KHDRBS2: variants seen among roughly 807,000 people sequenced by gnomAD.
KHDRBS2 encodes KH domain-containing, RNA-binding, signal transduction-associated protein 2.
In KHDRBS2, 26 loss-of-function variants were observed where a neutral mutation model predicts 44.3. That is an observed-to-expected ratio of 0.59 (90% CI 0.43 to 0.81). KHDRBS2 has a LOEUF of 0.81. KHDRBS2 is among the 40% of genes least tolerant of loss of function. The probability of loss-of-function intolerance (pLI) is 0.00; values close to 1 mark genes in which losing one functional copy is unlikely to be tolerated. For synonymous variants in KHDRBS2, 194 were observed against 151.1 expected, an observed-to-expected ratio of 1.28 and a Z score of -2.08; for missense variants, 476 against 433.1, an observed-to-expected ratio of 1.10 and a Z score of -0.88.
At chr6:61,681,374 C>T (rs1453065855) in intron 8 of KHDRBS2, among the ~76,000 whole-genome samples, 1 of 151,844 alleles carries the variant, frequency 6.6e-6, no homozygotes, top group Non-Finnish European at 1.5e-5. Context: ...AACCAGTAGT[C>T]CTTAGCCCTT....
the KHDRBS2 span, among the ~76,000 whole-genome samples, chr6:61,569,310 T>C: frequency 6.6e-6 from 1 of 152,160 alleles, no homozygotes; most frequent in African/African-American, 2.4e-5. Flanking sequence ...CTACCCACCC[T>C]TGTAGCCAAA....
At chr6:62,176,161 C>T (rs1442299279) in intron 2 of KHDRBS2, among the ~76,000 whole-genome samples, 1 of 151,160 alleles carries the variant, frequency 6.6e-6, no homozygotes, top group Non-Finnish European at 1.5e-5. Context: ...TAAGACTGCC[C>T]AATTTAATAT....
At chr6:62,013,082 T>C (rs1449093301) in intron 3 of KHDRBS2, among the ~76,000 whole-genome samples, 4 of 152,116 alleles carry the variant, frequency 2.6e-5, no homozygotes, top group African/African-American at 9.7e-5. Context: ...AAATATAGTC[T>C]GGTTGCAAAA....
intron 2 of KHDRBS2, among the ~76,000 whole-genome samples, chr6:62,130,137 C>T (rs1187856736): frequency 2.6e-5 from 4 of 152,080 alleles, no homozygotes; most frequent in African/African-American, 9.7e-5. Flanking sequence ...GAAATAAAAG[C>T]AGGTGAAATC....
chr6:61,973,539 T>A (rs1771872060), intron 4 of KHDRBS2, among the ~76,000 whole-genome samples: 1 of 152,012 alleles, frequency 6.6e-6, no homozygotes. Context: ...ACACCCTAAT[T>A]CCCCCATTTC....
At chr6:61,966,609 T>A (rs1770000872) in intron 4 of KHDRBS2, among the ~76,000 whole-genome samples, 1 of 152,016 alleles carries the variant, frequency 6.6e-6, no homozygotes, top group Non-Finnish European at 1.5e-5. Context: ...CACAATATCT[T>A]AAGAAGCCAA....
the KHDRBS2 span, among the ~76,000 whole-genome samples, chr6:61,610,188 TA>T: frequency 0.047 from 5,312 of 112,924 alleles, 285 homozygotes; most frequent in African/African-American, 0.15. Flanking sequence ...TATATATATT[TA>T]AAAAAAAAAA....
intron 2 of KHDRBS2, among the ~76,000 whole-genome samples, chr6:62,069,889 T>C (rs969726892): frequency 2.0e-5 from 3 of 151,812 alleles, no homozygotes; most frequent in Non-Finnish European, 4.4e-5. Context: ...TATTTTATAG[T>C]AGTAAATGAT....
chr6:61,943,117 A>G (rs1490879027), intron 4 of KHDRBS2, among the ~76,000 whole-genome samples: 1 of 151,698 alleles, frequency 6.6e-6, no homozygotes, highest in Admixed American at 6.6e-5. Flanking sequence ...AAAGAAAAGA[A>G]AAAAGAAAAG....
At chr6:61,781,509 A>T (rs573090442) in intron 6 of KHDRBS2, among the ~76,000 whole-genome samples, 89 of 152,210 alleles carry the variant, frequency 5.8e-4, no homozygotes, top group African/African-American at 2.1e-3. Flanking sequence ...TAAACAAAAA[A>T]CTAGCATTTC....
chr6:61,568,966 G>T, the KHDRBS2 span, among the ~76,000 whole-genome samples: 1 of 68,704 alleles, frequency 1.5e-5, no homozygotes, highest in Non-Finnish European at 3.3e-5. Flanking sequence ...CATAGGAGTT[G>T]CTGCTGACAG....
the KHDRBS2 span, among the ~76,000 whole-genome samples, chr6:61,599,144 C>T: frequency 6.6e-6 from 1 of 151,918 alleles, no homozygotes; most frequent in African/African-American, 2.4e-5. Flanking sequence ...CCATGTTGCC[C>T]AGGCTGGTCT....
At chr6:61,724,972 A>G (rs1260411030) in intron 7 of KHDRBS2, among the ~76,000 whole-genome samples, 4 of 152,084 alleles carry the variant, frequency 2.6e-5, no homozygotes, top group Non-Finnish European at 5.9e-5. Flanking sequence ...TGATAGATAT[A>G]TACAGAAATC....
At chr6:61,772,506 A>G (rs1382554542) in intron 6 of KHDRBS2, among the ~76,000 whole-genome samples, 2 of 152,232 alleles carry the variant, frequency 1.3e-5, no homozygotes, top group Non-Finnish European at 2.9e-5. Context: ...ACAGAAATAC[A>G]AACTACCATC....
At chr6:61,664,308 A>G in the KHDRBS2 span, among the ~76,000 whole-genome samples, 1 of 151,794 alleles carries the variant, frequency 6.6e-6, no homozygotes, top group Admixed American at 6.6e-5. Context: ...TGAATTTTGT[A>G]GCATTTTGGA....
chr6:61,575,028 A>G, the KHDRBS2 span, among the ~76,000 whole-genome samples: 1 of 152,342 alleles, frequency 6.6e-6, no homozygotes, highest in South Asian at 2.1e-4. Flanking sequence ...TAACATTGGA[A>G]AAACTCCTCT....
intron 6 of KHDRBS2, among the ~76,000 whole-genome samples, chr6:61,763,616 C>T (rs1779583974): frequency 6.6e-6 from 1 of 152,102 alleles, no homozygotes; most frequent in South Asian, 2.1e-4. Context: ...AAAACCTTTA[C>T]AGGTATCATA....
At chr6:61,873,862 CA>C (rs1799017992) in intron 6 of KHDRBS2, among the ~76,000 whole-genome samples, 1 of 151,626 alleles carries the variant, frequency 6.6e-6, no homozygotes, top group South Asian at 2.1e-4. Flanking sequence ...AAGAGAAAAG[CA>C]AGGTGAGAAT....
chr6:61,588,173 C>T, the KHDRBS2 span, among the ~76,000 whole-genome samples: 2 of 152,042 alleles, frequency 1.3e-5, no homozygotes, highest in Non-Finnish European at 1.5e-5. Flanking sequence ...ATGGATTATC[C>T]TAATTATGAT....
Sources: gnomAD v4.1 joint callset for allele counts (sites outside exome capture counted in the v4.1 genomes callset) on GRCh38, gnomAD v4.1.1 for gene constraint, MANE v1.5 for transcripts, NCBI Gene and HGNC (gene_info 2026-07-23, HGNC 2026-07-21) for gene names.